The following ABLIM1 variants were observed in gnomAD, a reference collection of about 807,000 sequenced individuals.
ABLIM1 encodes the protein actin-binding LIM protein 1.
A neutral mutation model predicts 107.0 loss-of-function variants in ABLIM1; 40 were observed. That is an observed-to-expected ratio of 0.37 (90% CI 0.29 to 0.49). The LOEUF (loss-of-function observed/expected upper bound fraction) is 0.49. Ranked by LOEUF, ABLIM1 falls within the 20% of genes least tolerant of loss-of-function variation. ABLIM1 has a pLI of 0.97. For missense variants in ABLIM1, 857 were observed against 1,008.5 expected, an observed-to-expected ratio of 0.85 and a Z score of 2.04; for synonymous variants, 357 against 357.3, an observed-to-expected ratio of 1.00 and a Z score of 0.01.
intron 1 of ABLIM1, among the ~76,000 whole-genome samples, chr10:114,682,456 T>C (rs1247708002): frequency 6.6e-6 from 1 of 152,220 alleles, no homozygotes; most frequent in Admixed American, 6.5e-5. Flanking sequence ...GACTTATTTA[T>C]TACATATCCT....
At chr10:114,439,318 G>C (rs1365739215) in intron 20 of ABLIM1, 68 bp from the exon 21 acceptor site, 1 of 1,501,636 alleles carries the variant, frequency 6.7e-7, no homozygotes, top group Non-Finnish European at 9.3e-7. Context: ...AGTACTCTTG[G>C]GCTCCCAATT....
chr10:114,678,070 T>A (rs1478229963), intron 1 of ABLIM1, among the ~76,000 whole-genome samples: 2 of 152,216 alleles, frequency 1.3e-5, no homozygotes, highest in East Asian at 1.9e-4. Context: ...CACATCTAGG[T>A]CATATCAATC....
chr10:114,453,522 G>A (rs2062238449), intron 12 of ABLIM1, 39 bp from the exon 13 acceptor site: 35 of 1,422,784 alleles, frequency 2.5e-5, no homozygotes, highest in South Asian at 7.7e-5. Flanking sequence ...ATGAGAGAAG[G>A]GAGAGAGAAA....
At chr10:114,495,884 G>A (rs1048671176) in intron 6 of ABLIM1, among the ~76,000 whole-genome samples, 20 of 152,272 alleles carry the variant, frequency 1.3e-4, no homozygotes, top group Admixed American at 1.3e-4. Flanking sequence ...TGGAGTGAGT[G>A]TTCTTACCCA....
chr10:114,568,059 A>G (rs1418171078), intron 4 of ABLIM1, among the ~76,000 whole-genome samples: 8 of 151,318 alleles, frequency 5.3e-5, no homozygotes, highest in Non-Finnish European at 8.8e-5. Flanking sequence ...GCGCGGTGGC[A>G]GGCGCCTGTA....
intron 6 of ABLIM1, among the ~76,000 whole-genome samples, chr10:114,504,127 G>A (rs886194980): frequency 5.3e-5 from 8 of 152,144 alleles, no homozygotes; most frequent in African/African-American, 1.7e-4. Flanking sequence ...GGACTTTGGC[G>A]GTGGTTACCA....
intron 1 of ABLIM1, among the ~76,000 whole-genome samples, chr10:114,606,499 G>A (rs2076422405): frequency 6.6e-6 from 1 of 152,170 alleles, no homozygotes; most frequent in Admixed American, 6.5e-5. Flanking sequence ...CTCCCAAAGT[G>A]CTGAGATTAC....
At position 114,431,480 on chromosome 10, in the gene ABLIM1, T is replaced by A. The variant is rs1229166312; in HGVS notation, c.*4780A>T. On this transcript the variant is annotated 3_prime_UTR_variant, in exon 23 of 23. Coordinates refer to ENST00000533213, the MANE Select transcript of ABLIM1 (RefSeq NM_002313.7). ...AATCAAAGAACTCAGAGAGCTTCAA[T>A]GCGGAGTCATCAGCAACTCGCAGGA... 6.6e-6 allele frequency: 1 copy of A among 152,226 alleles called. No individual in the cohort carries two copies. Among genetic ancestry groups the A allele is most frequent in the Non-Finnish European group, 1.5e-5 (1 of 68,034 alleles). The allele number at this position is 152,226 out of a possible 1,614,324, so 9.4% of individuals were successfully genotyped here. A position where few individuals can be genotyped will look rare whatever the true frequency, so the allele number is the denominator to read the frequency against.
chr10:114,451,657 T>C lies in ABLIM1; in HGVS notation c.1561A>G (p.Ile521Val), dbSNP rs1298156382. 3 of 1,613,032 alleles carry C rather than the reference T, an allele frequency of 1.9e-6. No homozygotes were observed. The highest frequency in any genetic ancestry group is 2.5e-6 in the Non-Finnish European group (3 of 1,179,512). ...HFHVPDQGIN[I>V]YRKPPIYKQH... Reference sequence around the variant, plus strand: ...TTGTAGATGGGTGGCTTTCGGTAAATGTTGATTCCTTGATCTGTGGAAATG... The same window carrying C: ...TTGTAGATGGGTGGCTTTCGGTAAACGTTGATTCCTTGATCTGTGGAAATG... Residue 521 changes from isoleucine (I) to valine (V), a missense_variant, in exon 14 of 23, where the codon ATT (isoleucine) becomes GTT (valine). Around this residue, in one of 5 missense-constraint regions of ABLIM1, gnomAD observed 381 missense variants for 506.9 expected, o/e 0.75. Coordinates refer to ENST00000533213, the MANE Select transcript of ABLIM1 (RefSeq NM_002313.7).
chr10:114,437,465 C>G (rs1414256773), intron 22 of ABLIM1, among the ~76,000 whole-genome samples: 1 of 151,898 alleles, frequency 6.6e-6, no homozygotes, highest in African/African-American at 2.4e-5. Flanking sequence ...ACTACAGGCA[C>G]CTGCCACCAT....
intron 6 of ABLIM1, among the ~76,000 whole-genome samples, chr10:114,535,774 T>C (rs1283946917): frequency 1.3e-5 from 2 of 152,170 alleles, no homozygotes; most frequent in African/African-American, 2.4e-5. Context: ...TAGTATACAG[T>C]TGACCCTTGA....
At chr10:114,485,306 C>T (rs370934492) in intron 8 of ABLIM1, 99 of 1,610,802 alleles carry the variant, frequency 6.1e-5, no homozygotes, top group African/African-American at 4.0e-4. Context: ...CCTGCAGAGA[C>T]GGAGACCGTC....
In ABLIM1 at chr10:114,524,668, GC is replaced by G. The variant is rs1169796016; in HGVS notation, c.894+20336del. On this transcript the variant is annotated intron_variant, in intron 6 of 22. Coordinates refer to ENST00000533213, the MANE Select transcript of ABLIM1 (RefSeq NM_002313.7). ...CTTTATAAAATGGATCACTGTATAA[GC>G]TTCTTTTTAAAAAAAGACAAAATAG... is the stretch of plus-strand genomic sequence containing the variant. Among the ~76,000 whole-genome samples the G allele has an allele frequency of 2.6e-5, 4 of 152,252 alleles. No individual in the cohort carries two copies. The East Asian group carries it at 7.7e-4, about 29-fold the overall frequency.
Position 114,491,776 on chromosome 10 carries a change from T to C in ABLIM1, c.982+15A>G, listed in dbSNP as rs1483258642. On this transcript the variant is annotated intron_variant, in intron 7 of 22. Coordinates refer to ENST00000533213, the MANE Select transcript of ABLIM1 (RefSeq NM_002313.7). Reference sequence around the variant, plus strand: ...CCAGCAAGGAAAACTTCTAGTGTTCTTGAGTCCACCTCACCTTGAAGATAC... The same window carrying C: ...CCAGCAAGGAAAACTTCTAGTGTTCCTGAGTCCACCTCACCTTGAAGATAC... 2 of 1,602,694 alleles carry C rather than the reference T, an allele frequency of 1.2e-6. No homozygotes were observed. Among genetic ancestry groups the C allele is most frequent in the Admixed American group, 1.7e-5 (1 of 59,776 alleles).
intron 1 of ABLIM1, among the ~76,000 whole-genome samples, chr10:114,618,179 C>A (rs2077247954): frequency 6.6e-6 from 1 of 152,124 alleles, no homozygotes; most frequent in South Asian, 2.1e-4. Context: ...TTGGTTAAAC[C>A]CATGGTCACT....
chr10:114,642,574 T>G (rs765170372), intron 1 of ABLIM1, among the ~76,000 whole-genome samples: 8 of 152,120 alleles, frequency 5.3e-5, no homozygotes, highest in Admixed American at 2.6e-4. Flanking sequence ...GAAGAAAGAT[T>G]TTTTTAAATG....
At chr10:114,440,205 C>A in intron 19 of ABLIM1, 116 bp from the exon 20 acceptor site, 1 of 1,068,856 alleles carries the variant, frequency 9.4e-7, no homozygotes. Context: ...AAACCATGTT[C>A]TTTTTCTGCT....
At chr10:114,776,276 C>CTGTT in the ABLIM1 span, 1 of 151,608 alleles carries the variant, frequency 6.6e-6, no homozygotes, top group Non-Finnish European at 1.5e-5. Flanking sequence ...GCTGCCCTTA[C>CTGTT]TGTTGTACCT....
intron 2 of ABLIM1, among the ~76,000 whole-genome samples, chr10:114,577,006 G>C (rs369578395): frequency 1.3e-5 from 2 of 152,138 alleles, no homozygotes; most frequent in African/African-American, 2.4e-5. Flanking sequence ...GATGAGTCCT[G>C]TGGGTCAGGG....
Sources: gnomAD v4.1 joint callset for allele counts (sites outside exome capture counted in the v4.1 genomes callset) on GRCh38, gnomAD v4.1.1 for gene constraint, gnomAD v4.1.1 regional missense constraint, MANE v1.5 for transcripts, NCBI Gene and HGNC (gene_info 2026-07-23, HGNC 2026-07-21) for gene names.